Variants in CAMTA1 observed in about 807,000 individuals in gnomAD.
CAMTA1 encodes the protein calmodulin binding transcription activator 1, also known as calmodulin-binding transcription activator 1.
CAMTA1 carries 27 observed loss-of-function variants against 170.9 expected under a neutral mutation model. That is an observed-to-expected ratio of 0.16 (90% confidence interval 0.12 to 0.22). The LOEUF is 0.22. Among genes scored for constraint, CAMTA1 ranks in the 10% least tolerant of loss-of-function variants. The probability of loss-of-function intolerance (pLI) is 1.00; values close to 1 mark genes in which losing one functional copy is unlikely to be tolerated. For synonymous variants in CAMTA1, 833 were observed against 891.5 expected (o/e 0.93, Z 1.17); for missense variants, 1,619 against 2,217.2 (o/e 0.73, Z 5.42).
At chr1:7,707,406 C>T (rs2096535066) in intron 11 of CAMTA1, among the ~76,000 whole-genome samples, 1 of 152,104 alleles carries the variant, frequency 6.6e-6, no homozygotes, top group African/African-American at 2.4e-5. Flanking sequence ...AAACAGGTTT[C>T]ACTCTGTCTC....
intron 5 of CAMTA1, among the ~76,000 whole-genome samples, chr1:7,445,846 G>A (rs1303261699): frequency 6.6e-6 from 1 of 152,156 alleles, no homozygotes; most frequent in Non-Finnish European, 1.5e-5. Context: ...AGATGTCACC[G>A]GATGTCAGCC....
chr1:7,698,074 ACC>A (rs55893283), intron 11 of CAMTA1, among the ~76,000 whole-genome samples: 51,455 of 99,082 alleles, frequency 0.52, 12,378 homozygotes, highest in South Asian at 0.66. Context: ...ACGCACTGTG[ACC>A]CCCCCCCCCC....
At chr1:7,650,945 C>A (rs539644573) in intron 7 of CAMTA1, among the ~76,000 whole-genome samples, 1 of 152,194 alleles carries the variant, frequency 6.6e-6, no homozygotes, top group Non-Finnish European at 1.5e-5. Flanking sequence ...TTGACCTTGT[C>A]GCCATGGAGA....
At chr1:7,739,558 T>TA (rs2096795564) in intron 16 of CAMTA1, among the ~76,000 whole-genome samples, 1 of 152,064 alleles carries the variant, frequency 6.6e-6, no homozygotes, top group African/African-American at 2.4e-5. Context: ...TTAATGGACT[T>TA]ACAGTTCCAC....
In CAMTA1 at chr1:7,587,244, C is replaced by T. The variant is rs1434338383; in HGVS notation, c.511-53156C>T. On this transcript the variant is annotated intron_variant, in intron 6 of 22. Transcript: ENST00000303635. Reference sequence around the variant, plus strand: ...ATTGGAGTTGAGCCCATCCACCCGCCGCCCCTGCAGGCGGCCCTGCTGTGC... The same window carrying T: ...ATTGGAGTTGAGCCCATCCACCCGCTGCCCCTGCAGGCGGCCCTGCTGTGC... Among the ~76,000 whole-genome samples, 7 of 152,076 alleles carry T rather than the reference C, an allele frequency of 4.6e-5. 1 individual carries two copies. The highest frequency in any genetic ancestry group is 1.9e-4 in the East Asian group (1 of 5,192).
At chr1:7,347,403 G>A (rs1315306365) in intron 5 of CAMTA1, among the ~76,000 whole-genome samples, 1 of 152,198 alleles carries the variant, frequency 6.6e-6, no homozygotes, top group Admixed American at 6.5e-5. Context: ...CGTCACACCA[G>A]CCCCAGGGTC....
At chr1:7,752,949 A>G (rs1439069158) in intron 21 of CAMTA1, among the ~76,000 whole-genome samples, 1 of 152,248 alleles carries the variant, frequency 6.6e-6, no homozygotes, top group Non-Finnish European at 1.5e-5. Flanking sequence ...AAAGAAAACC[A>G]CGAATTCCAA....
chr1:7,346,381 G>A lies in CAMTA1; in HGVS notation c.438+96755G>A, dbSNP rs141804649. Among the ~76,000 whole-genome samples the A allele has an allele frequency of 2.3e-4, 35 of 152,302 alleles. No individual in the cohort carries two copies. The East Asian group carries it at 6.4e-3, about 28-fold the overall frequency. ...TTCTGATTGTCTCTGGATCTGTGAC[G>A]AAGGCATTCGATGACTCTGAGCTGC... On this transcript the variant is annotated intron_variant, in intron 5 of 22. Transcript: ENST00000303635.
At chr1:7,084,117 A>T (rs945663604) in intron 3 of CAMTA1, among the ~76,000 whole-genome samples, 1 of 152,138 alleles carries the variant, frequency 6.6e-6, no homozygotes, top group Non-Finnish European at 1.5e-5. Flanking sequence ...TGTATAGACT[A>T]TAGAGAGATT....
At chr1:7,462,876 C>T (rs923022301) in intron 5 of CAMTA1, among the ~76,000 whole-genome samples, 1 of 152,116 alleles carries the variant, frequency 6.6e-6, no homozygotes, top group African/African-American at 2.4e-5. Flanking sequence ...TGAAATGACC[C>T]GAGGCAGAGT....
chr1:7,268,834 C>A (rs1669290741), intron 5 of CAMTA1, among the ~76,000 whole-genome samples: 1 of 151,924 alleles, frequency 6.6e-6, no homozygotes, highest in Admixed American at 6.6e-5. Context: ...AGAAAGAGGA[C>A]CCAAAATAAC....
At chr1:7,556,763 G>A (rs1255556130) in intron 6 of CAMTA1, among the ~76,000 whole-genome samples, 5 of 152,034 alleles carry the variant, frequency 3.3e-5, no homozygotes, top group East Asian at 1.9e-4. Flanking sequence ...AAGGATCCTC[G>A]AAGAACCAGC....
At chr1:7,413,112 T>G (rs2090911311) in intron 5 of CAMTA1, among the ~76,000 whole-genome samples, 1 of 151,648 alleles carries the variant, frequency 6.6e-6, no homozygotes, top group Non-Finnish European at 1.5e-5. Context: ...TCCATTGATC[T>G]ATATCTCTGT....
chr1:7,275,019 G>C (rs796878353), intron 5 of CAMTA1, among the ~76,000 whole-genome samples: 28 of 152,090 alleles, frequency 1.8e-4, no homozygotes, highest in African/African-American at 6.5e-4. Context: ...GTGGGTGCCT[G>C]TAATCCCAGC....
chr1:7,085,839 A>G (rs968111042), intron 3 of CAMTA1, among the ~76,000 whole-genome samples: 1 of 152,178 alleles, frequency 6.6e-6, no homozygotes, highest in Admixed American at 6.5e-5. Flanking sequence ...TGGGGACTGG[A>G]TGGTGGGTGA....
intron 3 of CAMTA1, among the ~76,000 whole-genome samples, chr1:6,944,993 G>A (rs866711696): frequency 3.3e-5 from 5 of 152,152 alleles, no homozygotes; most frequent in African/African-American, 4.8e-5. Context: ...TAGCCCCATC[G>A]TACGTCGAGG....
intron 4 of CAMTA1, among the ~76,000 whole-genome samples, chr1:7,178,765 G>T (rs560136127): frequency 6.6e-6 from 1 of 152,308 alleles, no homozygotes; most frequent in East Asian, 1.9e-4. Flanking sequence ...GGAGAATGAA[G>T]CCCTCCTCAG....
rs987938608 is a variant in CAMTA1, at chr1:7,092,843, C to T, written c.302+1472C>T. On this transcript the variant is annotated intron_variant, in intron 4 of 22. Transcript: ENST00000303635. This position sits in a 1 kb window ranked among gnomAD's most constrained non-coding sequence, Gnocchi z 5.0. ...AAGCCCCCTCTGCCTGGGAAGTTGG[C>T]GTCTCCCAGAGGAGGGCAGAGGCTT... Among the ~76,000 whole-genome samples, 3 of 152,164 alleles carry T rather than the reference C, an allele frequency of 2.0e-5. No homozygotes were observed. The highest frequency in any genetic ancestry group is 4.4e-5 in the Non-Finnish European group (3 of 68,044).
rs1471324930 is a variant in CAMTA1, at chr1:7,673,128, T to C, written c.2779+2091T>C. The stretch of plus-strand genomic sequence containing the variant: ...GCCTATAAATAGATGCCACTTCCTG[T>C]ACCTGGTTCTCGCCTGGCTAAGGAC... On this transcript the variant is annotated intron_variant, in intron 10 of 22. Coordinates refer to ENST00000303635, the MANE Select transcript of CAMTA1 (RefSeq NM_015215.4). This position sits in a 1 kb window ranked among gnomAD's most constrained non-coding sequence, Gnocchi z 4.6. Among the ~76,000 whole-genome samples, 1 of 152,210 alleles carries C rather than the reference T, an allele frequency of 6.6e-6. No individual in the cohort carries two copies. Among genetic ancestry groups the C allele is most frequent in the African/African-American group, 2.4e-5 (1 of 41,478 alleles).
Sources: allele counts gnomAD v4.1 joint callset (sites outside exome capture counted in the v4.1 genomes callset), GRCh38; gene constraint gnomAD v4.1.1; non-coding constraint Gnocchi (gnomAD v3.1); transcripts MANE v1.5; gene names NCBI Gene and HGNC (gene_info 2026-07-23, HGNC 2026-07-21).